Variants in SVEP1 observed in about 807,000 individuals in gnomAD.
SVEP1 encodes the protein sushi, von Willebrand factor type A, EGF and pentraxin domain-containing protein 1.
In SVEP1, 164 loss-of-function variants were observed where a neutral mutation model predicts 367.3. The ratio of observed to expected loss-of-function variants is 0.45; its 90% CI spans 0.39 to 0.51. SVEP1 has a LOEUF of 0.51. SVEP1 is among the 20% of genes least tolerant of loss of function. The pLI is 0.00. For synonymous variants in SVEP1, 1,666 were observed against 1,611.6 expected (o/e 1.03, Z -0.81); for missense variants, 4,117 against 4,425.3 (o/e 0.93, Z 1.98).
intron 44 of SVEP1, among the ~76,000 whole-genome samples, chr9:110,379,004 TACTTCTCG>T (rs1827393456): frequency 6.6e-6 from 1 of 152,124 alleles, no homozygotes; most frequent in Admixed American, 6.5e-5. Flanking sequence ...TGTACTAGCG[TACTTCTCG>T]ACTTCTAGCA....
chr9:110,460,605 T>C (rs1354819161), intron 18 of SVEP1, among the ~76,000 whole-genome samples: 1 of 152,052 alleles, frequency 6.6e-6, no homozygotes, highest in Non-Finnish European at 1.5e-5. Flanking sequence ...GTACAAAAAT[T>C]AGCCAGTGTG....
chr9:110,475,806 G>A, intron 14 of SVEP1: 1 of 158,758 alleles, frequency 6.3e-6, no homozygotes, highest in Non-Finnish European at 1.4e-5. Flanking sequence ...CATATTTTTG[G>A]TGAGGAATCT....
At chr9:110,511,488 C>CTTTTTTTTTTTTTTTTTTTTTT (rs199993986) in intron 5 of SVEP1, among the ~76,000 whole-genome samples, 8 of 77,570 alleles carry the variant, frequency 1.0e-4, no homozygotes, top group Non-Finnish European at 2.2e-4. Flanking sequence ...GTGTCAGTAC[C>CTTTTTTTTTTTTTTTTTTTTTT]TTTTTTTTTT....
At chr9:110,508,571 C>A (rs148655518) in intron 5 of SVEP1, among the ~76,000 whole-genome samples, 10 of 151,752 alleles carry the variant, frequency 6.6e-5, no homozygotes, top group East Asian at 5.8e-4. Context: ...ACCATCCTGG[C>A]GAACATGGTG....
chr9:110,543,429 A>T (rs1830177991), intron 3 of SVEP1, among the ~76,000 whole-genome samples: 1 of 152,240 alleles, frequency 6.6e-6, no homozygotes, highest in Non-Finnish European at 1.5e-5. Context: ...GAAGTGCTCC[A>T]GTCCCCTCTA....
chr9:110,423,054 G>A (rs1289076226), intron 36 of SVEP1, among the ~76,000 whole-genome samples: 1 of 134,388 alleles, frequency 7.4e-6, no homozygotes, highest in Non-Finnish European at 1.6e-5. Flanking sequence ...GCACCAGCAT[G>A]GCACATGTAT....
intron 15 of SVEP1, 121 bp from the exon 16 acceptor site, chr9:110,471,718 G>A: frequency 1.3e-5 from 9 of 709,388 alleles, no homozygotes; most frequent in African/African-American, 1.8e-5. Flanking sequence ...GTGGTCTATA[G>A]AAAAAAAATA....
At chr9:110,473,376 G>A (rs1179655556) in intron 14 of SVEP1, among the ~76,000 whole-genome samples, 2 of 152,046 alleles carry the variant, frequency 1.3e-5, no homozygotes, top group Non-Finnish European at 2.9e-5. Flanking sequence ...AACATTTTAG[G>A]CAAGCTTTTT....
chr9:110,458,478 C>A lies in SVEP1; in HGVS notation c.3569G>T (p.Ser1190Ile), dbSNP rs772173597. 1.1e-5 allele frequency: 17 copies of A among 1,611,912 alleles called. No homozygotes were observed. Among genetic ancestry groups the A allele is most frequent in the Non-Finnish European group, 1.3e-5 (15 of 1,179,154 alleles). Residue 1190 changes from serine to isoleucine, a missense_variant, in exon 20 of 48, where the codon AGC becomes ATC. Ser to Ile is a moderately radical substitution (Grantham distance 142). Coordinates refer to ENST00000374469, the MANE Select transcript of SVEP1 (RefSeq NM_153366.4). The stretch of plus-strand genomic sequence containing the variant: ...TATGCAAAATGAACTTGCCTGACTG[C>A]TGATTTCATGCCTCTTTTTAATATG... ...LGHIKKRHEI[S>I]SQVFHECFFN...
chr9:110,397,846 T>C (rs1024303527), intron 40 of SVEP1, among the ~76,000 whole-genome samples: 6 of 151,892 alleles, frequency 4.0e-5, no homozygotes, highest in Non-Finnish European at 8.8e-5. Flanking sequence ...TAAAAGAGGA[T>C]ACAAAGAAAT....
chr9:110,384,848 C>T (rs560968548), intron 43 of SVEP1, among the ~76,000 whole-genome samples: 1 of 152,310 alleles, frequency 6.6e-6, no homozygotes, highest in Non-Finnish European at 1.5e-5. Context: ...AGGCATGATA[C>T]ATTCTTACAC....
intron 1 of SVEP1, among the ~76,000 whole-genome samples, chr9:110,559,906 T>C (rs891666477): frequency 6.6e-6 from 1 of 152,116 alleles, no homozygotes; most frequent in Non-Finnish European, 1.5e-5. Flanking sequence ...ATTTAAGAAG[T>C]AGGCAACCAA....
Position 110,376,254 on chromosome 9 carries a change from G to A in SVEP1, c.10505-791C>T, listed in dbSNP as rs548721609. 1.2e-3 allele frequency among the ~76,000 whole-genome samples: 181 copies of A among 152,232 alleles called. 1 individual carries two copies. Among genetic ancestry groups the A allele is most frequent in the Middle Eastern group, 3.4e-3 (1 of 294 alleles). ...AGCACTGGTATAATGAAGGAGGGCA[G>A]GCACATGCTCAGTGAGCCAGACCAG... is the stretch of plus-strand genomic sequence containing the variant. On this transcript the variant is annotated intron_variant, in intron 45 of 47. Coordinates refer to ENST00000374469, the MANE Select transcript of SVEP1 (RefSeq NM_153366.4).
At chr9:110,556,367 C>T (rs1230312670) in intron 1 of SVEP1, among the ~76,000 whole-genome samples, 1 of 152,196 alleles carries the variant, frequency 6.6e-6, no homozygotes, top group East Asian at 1.9e-4. Flanking sequence ...TGCTCTTGGG[C>T]TGCATTAATT....
intron 39 of SVEP1, 37 bp downstream of exon 39, chr9:110,404,290 G>C (rs753602475): frequency 6.3e-7 from 1 of 1,584,642 alleles, no homozygotes; most frequent in Non-Finnish European, 8.7e-7. Flanking sequence ...ATATGTATAT[G>C]TAGGCATTAC....
intron 1 of SVEP1, among the ~76,000 whole-genome samples, chr9:110,552,899 T>C (rs1368166763): frequency 6.6e-6 from 1 of 152,046 alleles, no homozygotes; most frequent in Non-Finnish European, 1.5e-5. Flanking sequence ...AGAGAAAGAA[T>C]CAATGCAATT....
At chr9:110,383,019 C>T (rs7857437) in intron 43 of SVEP1, among the ~76,000 whole-genome samples, 12,312 of 152,070 alleles carry the variant, frequency 0.081, 980 homozygotes, top group African/African-American at 0.21. Context: ...TTTAGCTCAG[C>T]GAACTTCATT....
At chr9:110,482,582 A>G in intron 10 of SVEP1, 90 bp from the exon 11 acceptor site, 3 of 1,448,848 alleles carry the variant, frequency 2.1e-6, no homozygotes, top group South Asian at 1.4e-5. Context: ...GCTGGAGTGC[A>G]ATGGCATGAT....
At chr9:110,542,084 G>A (rs942558416) in intron 3 of SVEP1, among the ~76,000 whole-genome samples, 4 of 152,008 alleles carry the variant, frequency 2.6e-5, no homozygotes, top group African/African-American at 9.7e-5. Context: ...ATTGGCAGAG[G>A]CTGAATTTAA....
Sources: allele counts gnomAD v4.1 joint callset (sites outside exome capture counted in the v4.1 genomes callset), GRCh38; gene constraint gnomAD v4.1.1; transcripts MANE v1.5; gene names NCBI Gene and HGNC (gene_info 2026-07-23, HGNC 2026-07-21).